SLC9D1: variants seen among roughly 807,000 people sequenced by gnomAD.
The protein encoded by SLC9D1 is putative LAG1-interacting protein.
the SLC9D1 span, among the ~76,000 whole-genome samples, chr13:113,524,701 A>AT: frequency 2.6e-5 from 4 of 151,828 alleles, no homozygotes; most frequent in East Asian, 7.8e-4. Context: ...TTAAAATAAT[A>AT]TTATTTTTTT....
At chr13:113,534,700 G>T in the SLC9D1 span, 3,649 of 160,892 alleles carry the variant, frequency 0.023, 127 homozygotes, top group African/African-American at 0.071. Flanking sequence ...TGAGCTGGGA[G>T]GATGGCTTGA....
the SLC9D1 span, chr13:113,506,092 T>TCAC: frequency 5.8e-6 from 1 of 171,720 alleles, no homozygotes; most frequent in African/African-American, 2.4e-5. Context: ...AGCTGTGTCA[T>TCAC]CCTTGCCGTT....
chr13:113,491,768 C>T, the SLC9D1 span, among the ~76,000 whole-genome samples: 3 of 152,226 alleles, frequency 2.0e-5, no homozygotes, highest in South Asian at 6.2e-4. Flanking sequence ...TGTCCCTGGC[C>T]CCCCTCCTGT....
the SLC9D1 span, among the ~76,000 whole-genome samples, chr13:113,510,665 T>A: frequency 1.3e-5 from 2 of 152,190 alleles, no homozygotes; most frequent in African/African-American, 2.4e-5. Context: ...GAGGATTGAT[T>A]GAGGGCCAGA....
At chr13:113,528,392 T>G in the SLC9D1 span, 1 of 152,190 alleles carries the variant, frequency 6.6e-6, no homozygotes, top group Admixed American at 6.5e-5. Flanking sequence ...GAAGAATTTT[T>G]TAGTATTTGC....
At chr13:113,529,718 C>T in the SLC9D1 span, 2 of 151,874 alleles carry the variant, frequency 1.3e-5, no homozygotes, top group African/African-American at 4.8e-5. Flanking sequence ...GACGCTAACA[C>T]AGAGCTCCCA....
At chr13:113,524,599 G>T in the SLC9D1 span, among the ~76,000 whole-genome samples, 2 of 152,154 alleles carry the variant, frequency 1.3e-5, no homozygotes, top group African/African-American at 2.4e-5. Context: ...GCCTCCCAAA[G>T]TGCTGGGATT....
chr13:113,510,633 C>T, the SLC9D1 span, among the ~76,000 whole-genome samples: 1 of 152,158 alleles, frequency 6.6e-6, no homozygotes, highest in South Asian at 2.1e-4. Flanking sequence ...CACTTCTCCA[C>T]TTGATTAAGA....
At chr13:113,531,345 G>C in the SLC9D1 span, among the ~76,000 whole-genome samples, 1 of 152,246 alleles carries the variant, frequency 6.6e-6, no homozygotes, top group East Asian at 1.9e-4. Context: ...CCGCAGGTCA[G>C]ATGTGCTGAT....
the SLC9D1 span, among the ~76,000 whole-genome samples, chr13:113,506,944 G>T: frequency 9.4e-5 from 14 of 148,392 alleles, no homozygotes; most frequent in East Asian, 2.6e-3. Context: ...AGACTCGGGG[G>T]CTTGGCAAGA....
At chr13:113,545,185 C>T in the SLC9D1 span, among the ~76,000 whole-genome samples, 6 of 152,242 alleles carry the variant, frequency 3.9e-5, no homozygotes, top group Non-Finnish European at 5.9e-5. Context: ...AGGCAGCGTC[C>T]TTAGCAGCCC....
At chr13:113,501,626 G>A in the SLC9D1 span, 9 of 706,170 alleles carry the variant, frequency 1.3e-5, no homozygotes, top group South Asian at 3.8e-5. Flanking sequence ...CGGTGGTTTT[G>A]TCTTCACCCT....
chr13:113,548,492 C>A, the SLC9D1 span: 1 of 1,573,336 alleles, frequency 6.4e-7, no homozygotes, highest in African/African-American at 1.4e-5. Flanking sequence ...TCGGGCGGCA[C>A]GGGCTGCACT....
At chr13:113,542,403 C>T in the SLC9D1 span, among the ~76,000 whole-genome samples, 7 of 151,840 alleles carry the variant, frequency 4.6e-5, no homozygotes, top group African/African-American at 9.7e-5. Context: ...TTATTACCGC[C>T]GAGATGTGTG....
chr13:113,498,540 C>A, the SLC9D1 span: 1 of 1,555,970 alleles, frequency 6.4e-7, no homozygotes. Context: ...TCCAGAACAG[C>A]TGCTTCTTCA....
At chr13:113,510,156 T>C in the SLC9D1 span, 1 of 1,284,072 alleles carries the variant, frequency 7.8e-7, no homozygotes, top group South Asian at 1.3e-5. Flanking sequence ...CTTTCCTGGA[T>C]GCAGAAATGC....
At chr13:113,501,172 C>T in the SLC9D1 span, among the ~76,000 whole-genome samples, 1 of 152,136 alleles carries the variant, frequency 6.6e-6, no homozygotes, top group African/African-American at 2.4e-5. Context: ...ACTCAGAATT[C>T]TTAGAACACT....
At chr13:113,513,392 CAG>C in the SLC9D1 span, among the ~76,000 whole-genome samples, 28,308 of 152,040 alleles carry the variant, frequency 0.19, 3,473 homozygotes, top group African/African-American at 0.35. Flanking sequence ...AGCAGGGAGA[CAG>C]AGGGGGCTAG....
At chr13:113,521,494 G>C in the SLC9D1 span, among the ~76,000 whole-genome samples, 51 of 151,344 alleles carry the variant, frequency 3.4e-4, 1 homozygote, top group East Asian at 8.7e-3. Context: ...GGGTATATCT[G>C]TGTGTTGCAT....
Sources: gnomAD v4.1 joint callset for allele counts (sites outside exome capture counted in the v4.1 genomes callset) on GRCh38, gnomAD v4.1.1 for gene constraint, MANE v1.5 for transcripts, NCBI Gene and HGNC (gene_info 2026-07-23, HGNC 2026-07-21) for gene names.